The following BST1 variants were observed in gnomAD, a reference collection of about 807,000 sequenced individuals.
The protein encoded by BST1 is bone marrow stromal cell antigen 1, also known as ADP-ribosyl cyclase/cyclic ADP-ribose hydrolase 2.
Under a neutral mutation model 40.6 loss-of-function variants are expected in BST1, and 49 were observed. The observed-to-expected ratio is 1.21, with a 90% CI of 0.96 to 1.53. The LOEUF is 1.53. Ranked by LOEUF, BST1 falls within the 40% of genes most tolerant of loss-of-function variation. The pLI is 0.00. For missense variants in BST1, 423 were observed against 395.9 expected (o/e 1.07, Z -0.58); for synonymous variants, 157 against 159.3 (o/e 0.99, Z 0.11).
At chr4:15,731,472 G>A in intron 8 of BST1, 1 of 903,472 alleles carries the variant, frequency 1.1e-6, no homozygotes. Context: ...AAGCCTGACG[G>A]TGCCCGAGAA....
rs547163359 is a variant in BST1 at position 15,723,049 on chromosome 4, G to A, written c.851+115G>A. 1.1e-3 allele frequency: 1,055 copies of A among 966,480 alleles called. 1 individual carries two copies. Among genetic ancestry groups the A allele is most frequent in the Non-Finnish European group, 1.5e-3 (925 of 622,988 alleles). The allele number at this position is 966,480 out of a possible 1,614,324, so 59.9% of individuals were successfully genotyped here. A position where few individuals can be genotyped will look rare whatever the true frequency, so the allele number is the denominator to read the frequency against. ...AGAGGCAGATGTAAGTGTGCTCATT[G>A]GATTCTGGTTTGGCCTTATTTTTAT... On this transcript the variant is annotated intron_variant, in intron 8 of 8. Coordinates refer to ENST00000265016, the MANE Select transcript of BST1 (RefSeq NM_004334.3).
the BST1 span, among the ~76,000 whole-genome samples, chr4:15,757,285 G>C: frequency 6.6e-6 from 1 of 152,102 alleles, no homozygotes; most frequent in Admixed American, 6.6e-5. Flanking sequence ...GTTAAACATA[G>C]CTTTTTTTCT....
At chr4:15,774,136 A>AAGACCACGTGCAGAC in the BST1 span, among the ~76,000 whole-genome samples, 3 of 152,200 alleles carry the variant, frequency 2.0e-5, no homozygotes, top group Non-Finnish European at 2.9e-5. Context: ...GTTCACCGGG[A>AAGACCACGTGCAGAC]AGACCACGTG....
intron 8 of BST1, among the ~76,000 whole-genome samples, chr4:15,730,707 C>T (rs966603342): frequency 1.3e-5 from 2 of 152,112 alleles, no homozygotes; most frequent in South Asian, 2.1e-4. Flanking sequence ...ATTTCAATGA[C>T]GTGTGTGCTC....
chr4:15,765,664 T>A, the BST1 span, among the ~76,000 whole-genome samples: 3 of 152,062 alleles, frequency 2.0e-5, no homozygotes, highest in Non-Finnish European at 4.4e-5. Context: ...TGCTTCTGCC[T>A]TAGGGCCTTT....
At chr4:15,754,205 G>A in the BST1 span, among the ~76,000 whole-genome samples, 4 of 152,174 alleles carry the variant, frequency 2.6e-5, no homozygotes, top group South Asian at 2.1e-4. Flanking sequence ...TAATCCCCAC[G>A]AAGACCCCCG....
chr4:15,717,673 T>G (rs1720587266), intron 6 of BST1, among the ~76,000 whole-genome samples: 1 of 152,212 alleles, frequency 6.6e-6, no homozygotes, highest in Non-Finnish European at 1.5e-5. Context: ...GAAAATGAAG[T>G]TCCAATTAGT....
At chr4:15,772,923 C>G in the BST1 span, among the ~76,000 whole-genome samples, 13 of 152,312 alleles carry the variant, frequency 8.5e-5, no homozygotes, top group African/African-American at 3.1e-4. Flanking sequence ...GCTGGAGAAG[C>G]AGACGTGGGC....
At chr4:15,765,341 T>G in the BST1 span, among the ~76,000 whole-genome samples, 1 of 151,978 alleles carries the variant, frequency 6.6e-6, no homozygotes, top group East Asian at 1.9e-4. Flanking sequence ...ATATTCAGAA[T>G]TTAATTGCAT....
chr4:15,749,799 C>T, the BST1 span, among the ~76,000 whole-genome samples: 1 of 152,104 alleles, frequency 6.6e-6, no homozygotes, highest in Non-Finnish European at 1.5e-5. Flanking sequence ...GGGTATTCAC[C>T]ACCCCCCGAG....
chr4:15,764,784 C>T, the BST1 span, among the ~76,000 whole-genome samples: 1 of 151,858 alleles, frequency 6.6e-6, no homozygotes, highest in Non-Finnish European at 1.5e-5. Flanking sequence ...AATTGGAGCA[C>T]TCCAGTCCCT....
Position 15,703,217 on chromosome 4 carries a change from C to T in BST1, c.73C>T (p.Leu25=). ...GCAGCTTCTGCTTCTACTGTTGCTG[C>T]TGGCGGCGGGCGGGGCGCGCGCGCG... The part of the protein sequence containing the change: ...LLQLLLLLLL[L]AAGGARARWR... The change falls in exon 1 of 9, where the codon CTG becomes TTG. Residue 25 remains leucine (L), a synonymous_variant. Transcript: ENST00000265016. 2 of 1,550,210 alleles carry T rather than the reference C, an allele frequency of 1.3e-6. No individual in the cohort carries two copies. The highest frequency in any genetic ancestry group is 1.7e-6 in the Non-Finnish European group (2 of 1,148,594).
chr4:15,750,236 G>A, the BST1 span, among the ~76,000 whole-genome samples: 1 of 151,990 alleles, frequency 6.6e-6, no homozygotes, highest in Non-Finnish European at 1.5e-5. Context: ...TGTTGTCCAG[G>A]CTAGTCTCAA....
chr4:15,715,229 C>A, intron 4 of BST1, 56 bp from the exon 5 acceptor site: 1 of 1,506,096 alleles, frequency 6.6e-7, no homozygotes, highest in South Asian at 1.1e-5. Context: ...ATGCACATTT[C>A]ATAGCAGAAA....
intron 4 of BST1, among the ~76,000 whole-genome samples, chr4:15,714,398 G>A (rs1387597445): frequency 6.6e-6 from 1 of 152,150 alleles, no homozygotes; most frequent in Non-Finnish European, 1.5e-5. Context: ...TCTCACCCTT[G>A]GGAATTCCTG....
downstream of BST1, chr4:15,736,099 C>T (rs28641514): frequency 0.082 from 105,615 of 1,280,998 alleles, 4,892 homozygotes; most frequent in African/African-American, 0.15. Context: ...CAGAGCAGAA[C>T]CATACAACCG....
At chr4:15,726,526 G>T (rs568137980) in intron 8 of BST1, among the ~76,000 whole-genome samples, 55 of 152,334 alleles carry the variant, frequency 3.6e-4, no homozygotes, top group African/African-American at 1.3e-3. Context: ...AAGAATCCTT[G>T]TGTGGCTCAC....
At chr4:15,760,984 C>A in the BST1 span, among the ~76,000 whole-genome samples, 1 of 151,788 alleles carries the variant, frequency 6.6e-6, no homozygotes, top group Non-Finnish European at 1.5e-5. Context: ...GCCCCCTGCA[C>A]CCAGCCAACA....
intron 6 of BST1, 41 bp from the exon 7 acceptor site, chr4:15,718,866 C>T (rs749106641): frequency 1.5e-5 from 24 of 1,557,332 alleles, no homozygotes; most frequent in Non-Finnish European, 1.9e-5. Flanking sequence ...TCTTCCTCCT[C>T]TTATTTGCTT....
Sources: gnomAD v4.1 joint callset for allele counts (sites outside exome capture counted in the v4.1 genomes callset) on GRCh38, gnomAD v4.1.1 for gene constraint, MANE v1.5 for transcripts, NCBI Gene and HGNC (gene_info 2026-07-23, HGNC 2026-07-21) for gene names.